PDE3A: variants seen among roughly 807,000 people sequenced by gnomAD.
The protein encoded by PDE3A is phosphodiesterase 3A, also known as cGMP-inhibited 3',5'-cyclic phosphodiesterase 3A.
PDE3A carries 43 observed loss-of-function variants against 98.3 expected under a neutral mutation model. That is an observed-to-expected ratio of 0.44 (90% CI 0.34 to 0.56). The LOEUF (loss-of-function observed/expected upper bound fraction) is 0.56, where lower values mean the gene tolerates loss of function less well. PDE3A is among the 20% of genes least tolerant of loss of function. The pLI is 0.01. For synonymous variants in PDE3A, 663 were observed against 567.9 expected (o/e 1.17, Z -2.38); for missense variants, 1,427 against 1,440.7 (o/e 0.99, Z 0.15).
At chr12:20,518,200 G>A (rs962710909) in intron 1 of PDE3A, among the ~76,000 whole-genome samples, 1 of 152,086 alleles carries the variant, frequency 6.6e-6, no homozygotes, top group African/African-American at 2.4e-5. Context: ...TCATTCCTGG[G>A]ACTGCTTTAT....
At chr12:20,512,894 A>G (rs1230076941) in intron 1 of PDE3A, among the ~76,000 whole-genome samples, 1 of 152,164 alleles carries the variant, frequency 6.6e-6, no homozygotes, top group African/African-American at 2.4e-5. Flanking sequence ...ATCATTATAT[A>G]AATATAACCA....
chr12:20,645,517 T>C (rs1944757351), intron 10 of PDE3A, among the ~76,000 whole-genome samples: 1 of 152,124 alleles, frequency 6.6e-6, no homozygotes, highest in African/African-American at 2.4e-5. Flanking sequence ...AACAGTATCA[T>C]GGTTGGTTAG....
In PDE3A at chr12:20,683,733, C is replaced by G. The variant is rs1469742742; in HGVS notation, c.*3462C>G. ...GGGATATATCTATATTAGTCTTCAT[C>G]TGATGAATGAAGAAATTTTCTCATA... On this transcript the variant is annotated 3_prime_UTR_variant, in exon 16 of 16. Transcript: ENST00000359062. The G allele has an allele frequency of 6.6e-6, 1 of 152,096 alleles. No individual in the cohort carries two copies. The highest frequency in any genetic ancestry group is 1.5e-5 in the Non-Finnish European group (1 of 68,016). 9.4% of individuals were successfully genotyped at this position (152,096 alleles called of 1,614,324 possible). A position where few individuals can be genotyped will look rare whatever the true frequency, so the allele number is the denominator to read the frequency against.
intron 15 of PDE3A, among the ~76,000 whole-genome samples, chr12:20,668,586 A>AAC (rs1945385811): frequency 6.6e-6 from 1 of 151,972 alleles, no homozygotes; most frequent in South Asian, 2.1e-4. Flanking sequence ...CCAGTAGAGG[A>AAC]ACACTGACAC....
chr12:20,436,164 A>G (rs2120821877), intron 1 of PDE3A, among the ~76,000 whole-genome samples: 1 of 152,258 alleles, frequency 6.6e-6, no homozygotes, highest in South Asian at 2.1e-4. Context: ...CCCCACGTTT[A>G]TTGTATGCAA....
chr12:20,648,921 C>A (rs9284155), intron 13 of PDE3A, 30 bp downstream of exon 13: 5 of 1,275,224 alleles, frequency 3.9e-6, no homozygotes, highest in East Asian at 2.4e-5. Context: ...GTTTTCTTTT[C>A]TTTTTCTTTT....
intron 1 of PDE3A, among the ~76,000 whole-genome samples, chr12:20,545,787 AAAAC>A (rs1289405275): frequency 1.3e-5 from 2 of 149,386 alleles, no homozygotes; most frequent in African/African-American, 2.5e-5. Flanking sequence ...CAAAAAAAAA[AAAAC>A]AAAACAAAAC....
intron 15 of PDE3A, among the ~76,000 whole-genome samples, chr12:20,672,478 A>G (rs1945510227): frequency 6.6e-6 from 1 of 151,738 alleles, no homozygotes; most frequent in African/African-American, 2.4e-5. Flanking sequence ...CCAAAACAGC[A>G]TGGTACTGGT....
At chr12:20,606,202 C>G (rs917636206) in intron 2 of PDE3A, among the ~76,000 whole-genome samples, 1 of 151,996 alleles carries the variant, frequency 6.6e-6, no homozygotes, top group African/African-American at 2.4e-5. Flanking sequence ...TGATGTGTAT[C>G]TGCTTTTTTT....
intron 1 of PDE3A, among the ~76,000 whole-genome samples, chr12:20,536,973 T>G (rs1265659300): frequency 6.6e-6 from 1 of 152,124 alleles, no homozygotes; most frequent in Non-Finnish European, 1.5e-5. Context: ...CAAATGGTTT[T>G]CCAAAGTGAA....
chr12:20,642,122 A>G (rs1007408445), intron 10 of PDE3A, among the ~76,000 whole-genome samples: 1 of 152,156 alleles, frequency 6.6e-6, no homozygotes, highest in Non-Finnish European at 1.5e-5. Flanking sequence ...GAAAAGAAGC[A>G]TAAGAGGAAC....
chr12:20,532,687 C>CTTT (rs137966114), intron 1 of PDE3A, among the ~76,000 whole-genome samples: 10 of 107,886 alleles, frequency 9.3e-5, no homozygotes, highest in Admixed American at 6.9e-4. Context: ...GTTTCTCTCT[C>CTTT]TTTTTTTTTT....
intron 2 of PDE3A, among the ~76,000 whole-genome samples, chr12:20,609,861 T>G (rs1221851400): frequency 6.6e-6 from 1 of 151,842 alleles, no homozygotes; most frequent in Non-Finnish European, 1.5e-5. Context: ...AAGAATGAAA[T>G]CGTATGTTTA....
rs542495254 is a variant in PDE3A at position 20,458,714 on chromosome 12, G to A, written c.960+88470G>A. On this transcript the variant is annotated intron_variant, in intron 1 of 15. Coordinates refer to ENST00000359062, the MANE Select transcript of PDE3A (RefSeq NM_000921.5). ...TTTTGCTCTACTTGTCTGGTAGATA[G>A]GAAGACAAGCTGTCCTTCCTGAGAG... is the stretch of plus-strand genomic sequence containing the variant. Among the ~76,000 whole-genome samples, 16 of 152,260 alleles carry A rather than the reference G, an allele frequency of 1.1e-4. No homozygotes were observed. In the South Asian group the frequency reaches 3.3e-3, roughly 32 times the overall value.
chr12:20,455,912 T>C (rs1945144489), intron 1 of PDE3A, among the ~76,000 whole-genome samples: 1 of 152,144 alleles, frequency 6.6e-6, no homozygotes, highest in Non-Finnish European at 1.5e-5. Context: ...CTTTCCTGCA[T>C]CAAAGCGTTC....
intron 1 of PDE3A, among the ~76,000 whole-genome samples, chr12:20,458,832 T>G (rs1945197900): frequency 6.6e-6 from 1 of 152,128 alleles, no homozygotes; most frequent in Non-Finnish European, 1.5e-5. Context: ...GGATACAGCC[T>G]TTGAGGCCAT....
intron 2 of PDE3A, among the ~76,000 whole-genome samples, chr12:20,584,624 T>C (rs1266613315): frequency 6.6e-6 from 1 of 152,204 alleles, no homozygotes; most frequent in Non-Finnish European, 1.5e-5. Context: ...ATAACTTCTA[T>C]TGTCCCTTTA....
chr12:20,593,093 G>C (rs961549311), intron 2 of PDE3A, among the ~76,000 whole-genome samples: 3 of 152,118 alleles, frequency 2.0e-5, no homozygotes, highest in African/African-American at 7.2e-5. Context: ...TGGAGACTTC[G>C]AGGCTGAAGT....
intron 10 of PDE3A, among the ~76,000 whole-genome samples, chr12:20,643,927 A>G (rs1944707291): frequency 6.6e-6 from 1 of 152,104 alleles, no homozygotes; most frequent in African/African-American, 2.4e-5. Flanking sequence ...AGAGCTCAAA[A>G]GCTGCAAGTT....
Sources: gnomAD v4.1 joint callset for allele counts (sites outside exome capture counted in the v4.1 genomes callset) on GRCh38, gnomAD v4.1.1 for gene constraint, MANE v1.5 for transcripts, NCBI Gene and HGNC (gene_info 2026-07-23, HGNC 2026-07-21) for gene names.